ERGIC1: variants seen among roughly 807,000 people sequenced by gnomAD.
ERGIC1 encodes endoplasmic reticulum-golgi intermediate compartment 1.
A neutral mutation model predicts 38.3 loss-of-function variants in ERGIC1; 19 were observed. That is an observed-to-expected ratio of 0.50 (90% CI 0.35 to 0.73). ERGIC1 has a LOEUF of 0.73. ERGIC1 is among the 30% of genes least tolerant of loss of function. The pLI is 0.01. For missense variants in ERGIC1, 294 were observed against 389.2 expected, an observed-to-expected ratio of 0.76 and a Z score of 2.06; for synonymous variants, 124 against 157.6, an observed-to-expected ratio of 0.79 and a Z score of 1.60.
At position 172,837,795 on chromosome 5, in the gene ERGIC1, G is replaced by A. The variant is rs1761071239; in HGVS notation, c.20+3362G>A. Among the ~76,000 whole-genome samples, 1 of 152,242 alleles carries A rather than the reference G, an allele frequency of 6.6e-6. No individual in the cohort carries two copies. Among genetic ancestry groups the A allele is most frequent in the South Asian group, 2.1e-4 (1 of 4,834 alleles). On this transcript the variant is annotated intron_variant, in intron 1 of 9. Coordinates refer to ENST00000393784, the MANE Select transcript of ERGIC1 (RefSeq NM_001031711.3). This position sits in a 1 kb window ranked among gnomAD's most constrained non-coding sequence, Gnocchi z 4.3. Reference sequence around the variant, plus strand: ...TGTTAAATTGTTTCACTAATGGCTGGCTGTTGCAGTTGTGGAACTAGCCTT... The same window carrying A: ...TGTTAAATTGTTTCACTAATGGCTGACTGTTGCAGTTGTGGAACTAGCCTT...
chr5:172,924,168 C>G, intron 6 of ERGIC1, 59 bp downstream of exon 6: 1 of 1,487,210 alleles, frequency 6.7e-7, no homozygotes, highest in Non-Finnish European at 9.3e-7. Flanking sequence ...GGCTCTGTCA[C>G]CCAGTGCCCT....
intron 1 of ERGIC1, among the ~76,000 whole-genome samples, chr5:172,865,644 C>T (rs984746966): frequency 6.6e-6 from 1 of 152,136 alleles, no homozygotes; most frequent in Non-Finnish European, 1.5e-5. Context: ...CACGGGGTGA[C>T]CTATCTCCTG....
At chr5:172,845,261 T>C (rs1245643876) in intron 1 of ERGIC1, among the ~76,000 whole-genome samples, 1 of 152,046 alleles carries the variant, frequency 6.6e-6, no homozygotes, top group East Asian at 1.9e-4. Context: ...ACTGTAGAAG[T>C]GGAAGCCTTG....
At chr5:172,882,582 C>T (rs892343963) in intron 1 of ERGIC1, among the ~76,000 whole-genome samples, 8 of 152,118 alleles carry the variant, frequency 5.3e-5, no homozygotes, top group African/African-American at 1.9e-4. Flanking sequence ...CATTTTCTCC[C>T]TGGAAAAATG....
chr5:172,911,820 A>G, intron 4 of ERGIC1, among the ~76,000 whole-genome samples: 1 of 152,134 alleles, frequency 6.6e-6, no homozygotes, highest in Non-Finnish European at 1.5e-5. Flanking sequence ...ATCTTAAGAC[A>G]TACATTCAAA....
At chr5:172,862,145 C>T (rs994262888) in intron 1 of ERGIC1, among the ~76,000 whole-genome samples, 8 of 151,182 alleles carry the variant, frequency 5.3e-5, no homozygotes, top group African/African-American at 1.9e-4. Flanking sequence ...GTGCATGCCA[C>T]TGCACCTGCT....
intron 1 of ERGIC1, among the ~76,000 whole-genome samples, chr5:172,860,617 C>T (rs1311742467): frequency 6.6e-6 from 1 of 152,178 alleles, no homozygotes; most frequent in East Asian, 1.9e-4. Context: ...ACAGACTTCT[C>T]TGAGGCTTTG....
intron 9 of ERGIC1, among the ~76,000 whole-genome samples, chr5:172,946,478 A>G (rs2113492931): frequency 6.6e-6 from 1 of 152,284 alleles, no homozygotes; most frequent in South Asian, 2.1e-4. Context: ...CATCCCAGGA[A>G]TCCTAAATGG....
At chr5:172,851,516 A>T (rs1045260801) in intron 1 of ERGIC1, among the ~76,000 whole-genome samples, 19 of 152,354 alleles carry the variant, frequency 1.2e-4, no homozygotes, top group African/African-American at 4.1e-4. Flanking sequence ...TTCAATAAAA[A>T]ATAAAAAAAT....
At chr5:172,861,000 C>T (rs781673735) in intron 1 of ERGIC1, among the ~76,000 whole-genome samples, 6 of 152,142 alleles carry the variant, frequency 3.9e-5, no homozygotes, top group Admixed American at 6.5e-5. Context: ...GAAACTCATC[C>T]ACCCTCCTGG....
intron 4 of ERGIC1, among the ~76,000 whole-genome samples, chr5:172,913,008 A>T (rs62387380): frequency 0.35 from 53,612 of 152,024 alleles, 10,582 homozygotes; most frequent in Non-Finnish European, 0.46. Context: ...GCCTCAAGTT[A>T]TCCGCCCACC....
At chr5:172,866,713 T>G (rs1226339452) in intron 1 of ERGIC1, among the ~76,000 whole-genome samples, 2 of 152,256 alleles carry the variant, frequency 1.3e-5, no homozygotes, top group Non-Finnish European at 2.9e-5. Flanking sequence ...AGCTGGGACT[T>G]GAACCCAGAA....
At chr5:172,851,985 A>C (rs920474104) in intron 1 of ERGIC1, among the ~76,000 whole-genome samples, 10 of 152,104 alleles carry the variant, frequency 6.6e-5, no homozygotes, top group Non-Finnish European at 1.2e-4. Flanking sequence ...GTCTTTCTAA[A>C]GGTTCCTGGA....
At chr5:172,868,134 G>A (rs936900819) in intron 1 of ERGIC1, among the ~76,000 whole-genome samples, 8 of 152,224 alleles carry the variant, frequency 5.3e-5, no homozygotes, top group African/African-American at 1.2e-4. Context: ...CGCTTGCTAC[G>A]TGCTGGGAGC....
At chr5:172,940,919 C>T (rs1322181320) in intron 9 of ERGIC1, among the ~76,000 whole-genome samples, 1 of 152,210 alleles carries the variant, frequency 6.6e-6, no homozygotes, top group African/African-American at 2.4e-5. Flanking sequence ...TCCCCAGCAT[C>T]CAGTGAAGGG....
At chr5:172,873,062 C>G (rs1017135474) in intron 1 of ERGIC1, among the ~76,000 whole-genome samples, 34 of 152,344 alleles carry the variant, frequency 2.2e-4, no homozygotes, top group African/African-American at 8.2e-4. Flanking sequence ...GAGCCACGGG[C>G]ATGAGAATCC....
chr5:172,908,352 GT>G (rs1763106003), intron 3 of ERGIC1, among the ~76,000 whole-genome samples: 8 of 83,890 alleles, frequency 9.5e-5, no homozygotes, highest in African/African-American at 3.1e-4. Flanking sequence ...GAGGGGGGGG[GT>G]GGATCATGAG....
chr5:172,939,426 G>T (rs580037), intron 9 of ERGIC1, among the ~76,000 whole-genome samples: 3 of 152,222 alleles, frequency 2.0e-5, no homozygotes, highest in African/African-American at 7.2e-5. Flanking sequence ...ATAACATGTC[G>T]TATGAAGTCC....
intron 1 of ERGIC1, among the ~76,000 whole-genome samples, chr5:172,872,463 AG>A (rs1414696382): frequency 6.6e-6 from 1 of 152,290 alleles, no homozygotes; most frequent in East Asian, 1.9e-4. Context: ...CTTTTACCCC[AG>A]GCCTCACCAG....
Sources: gnomAD v4.1 joint callset for allele counts (sites outside exome capture counted in the v4.1 genomes callset) on GRCh38, gnomAD v4.1.1 for gene constraint, Gnocchi (gnomAD v3.1) non-coding constraint, MANE v1.5 for transcripts, NCBI Gene and HGNC (gene_info 2026-07-23, HGNC 2026-07-21) for gene names.